Variants in DOK5 observed in about 807,000 individuals in gnomAD.
DOK5 encodes docking protein 5.
A neutral mutation model predicts 43.3 loss-of-function variants in DOK5; 27 were observed. The ratio of observed to expected loss-of-function variants is 0.62; its 90% confidence interval spans 0.46 to 0.86. DOK5 has a LOEUF of 0.86. Among genes scored for constraint, DOK5 ranks in the 40% least tolerant of loss-of-function variants. The pLI is 0.00. For missense variants in DOK5, 373 were observed against 392.9 expected, an observed-to-expected ratio of 0.95 and a Z score of 0.43; for synonymous variants, 146 against 140.1, an observed-to-expected ratio of 1.04 and a Z score of -0.30.
At chr20:54,582,481 A>G (rs947545590) in intron 2 of DOK5, among the ~76,000 whole-genome samples, 1 of 151,408 alleles carries the variant, frequency 6.6e-6, no homozygotes, top group Non-Finnish European at 1.5e-5. Context: ...CATTTCTTCC[A>G]ACAAAGAAAT....
intron 6 of DOK5, among the ~76,000 whole-genome samples, chr20:54,622,209 A>T (rs1301049778): frequency 6.6e-6 from 1 of 150,924 alleles, no homozygotes; most frequent in African/African-American, 2.5e-5. Context: ...AAGAAAAAAT[A>T]AAAAAAATAA....
At chr20:54,598,993 T>C (rs6098102) in intron 5 of DOK5, among the ~76,000 whole-genome samples, 2,068 of 152,348 alleles carry the variant, frequency 0.014, 52 homozygotes, top group African/African-American at 0.047. Flanking sequence ...GACAATTGTT[T>C]TGATAGCTTA....
At chr20:54,637,311 G>C (rs1332769613) in intron 6 of DOK5, among the ~76,000 whole-genome samples, 1 of 152,236 alleles carries the variant, frequency 6.6e-6, no homozygotes, top group Non-Finnish European at 1.5e-5. Flanking sequence ...AGGTTAGGAA[G>C]AGACCTGCAT....
At chr20:54,622,583 G>A (rs1305210092) in intron 6 of DOK5, among the ~76,000 whole-genome samples, 1 of 152,224 alleles carries the variant, frequency 6.6e-6, no homozygotes, top group Non-Finnish European at 1.5e-5. Context: ...GAGACAACTT[G>A]TTTTGCTGAC....
chr20:54,523,567 A>T (rs1455846492), intron 1 of DOK5, among the ~76,000 whole-genome samples: 3 of 152,168 alleles, frequency 2.0e-5, no homozygotes, highest in East Asian at 3.9e-4. Flanking sequence ...CTGTCTCAAA[A>T]AATTCAATCA....
chr20:54,599,198 A>C (rs1314937422), intron 5 of DOK5, among the ~76,000 whole-genome samples: 2 of 152,204 alleles, frequency 1.3e-5, no homozygotes, highest in African/African-American at 4.8e-5. Flanking sequence ...TCCCCCAACT[A>C]TGTTGAGTAT....
chr20:54,528,612 T>C (rs936397266), intron 1 of DOK5, among the ~76,000 whole-genome samples: 13 of 152,192 alleles, frequency 8.5e-5, no homozygotes, highest in Non-Finnish European at 1.8e-4. Flanking sequence ...TTATATCTCC[T>C]TGGCCAATAT....
At chr20:54,539,705 A>G (rs182668149) in intron 1 of DOK5, among the ~76,000 whole-genome samples, 342 of 152,326 alleles carry the variant, frequency 2.2e-3, no homozygotes, top group Non-Finnish European at 3.6e-3. Flanking sequence ...GGCAACCTTA[A>G]GACAACCCAG....
chr20:54,552,038 G>A (rs376092948), intron 1 of DOK5, among the ~76,000 whole-genome samples: 1 of 152,140 alleles, frequency 6.6e-6, no homozygotes, highest in Admixed American at 6.5e-5. Flanking sequence ...ATATTGGCCA[G>A]ACTGGTCTCA....
intron 1 of DOK5, among the ~76,000 whole-genome samples, chr20:54,517,455 GT>G: frequency 1.3e-5 from 2 of 152,298 alleles, no homozygotes; most frequent in Admixed American, 1.3e-4. Flanking sequence ...GGTTTCATAT[GT>G]TTTAGTTTAA....
intron 1 of DOK5, among the ~76,000 whole-genome samples, chr20:54,544,806 A>G (rs891689539): frequency 1.3e-5 from 2 of 152,150 alleles, no homozygotes; most frequent in African/African-American, 2.4e-5. Context: ...GGGTGGGGCT[A>G]TTGGTGGTCA....
intron 1 of DOK5, among the ~76,000 whole-genome samples, chr20:54,539,688 C>T (rs1014094964): frequency 2.0e-5 from 3 of 152,192 alleles, no homozygotes; most frequent in Non-Finnish European, 4.4e-5. Flanking sequence ...AGAGCTAAGT[C>T]ATTCCAGGCA....
intron 6 of DOK5, among the ~76,000 whole-genome samples, chr20:54,631,740 G>A (rs745826657): frequency 1.3e-5 from 2 of 152,134 alleles, no homozygotes; most frequent in Non-Finnish European, 2.9e-5. Context: ...TTGGGAGGCC[G>A]AGGTGGGCGG....
intron 6 of DOK5, among the ~76,000 whole-genome samples, chr20:54,622,801 C>T (rs569170337): frequency 1.3e-5 from 2 of 152,110 alleles, no homozygotes; most frequent in South Asian, 4.2e-4. Context: ...ATCCTATTTC[C>T]CAGTGTCGAG....
chr20:54,628,784 A>G (rs1978434104), intron 6 of DOK5, among the ~76,000 whole-genome samples: 1 of 152,172 alleles, frequency 6.6e-6, no homozygotes, highest in African/African-American at 2.4e-5. Context: ...CAAACCATAC[A>G]AGATGCATTT....
At position 54,588,591 on chromosome 20, in the gene DOK5, G is replaced by A. The variant is rs749390006; in HGVS notation, c.283G>A (p.Glu95Lys). The change falls in exon 3 of 8, where the codon GAA (glutamate) becomes AAA (lysine). Residue 95 changes from glutamate (E) to lysine (K), a missense_variant. Physicochemically the swap from Glu to Lys is moderately conservative, Grantham distance 56. Transcript: ENST00000262593. ...CGATACCTCCAAGACTTTTGCTTGCGAATCAGGTTTGTCTCAGGCAGGGCT... is the reference window on the plus strand; with the variant it reads ...CGATACCTCCAAGACTTTTGCTTGCAAATCAGGTTTGTCTCAGGCAGGGCT... ...NDDTSKTFAC[E>K]SDLEADEWCK... The A allele has an allele frequency of 1.5e-5, 25 of 1,614,002 alleles. No homozygotes were observed. The highest frequency in any genetic ancestry group is 2.2e-5 in the East Asian group (1 of 44,888).
At chr20:54,513,604 G>T (rs938013035) in intron 1 of DOK5, among the ~76,000 whole-genome samples, 1 of 151,920 alleles carries the variant, frequency 6.6e-6, no homozygotes, top group Non-Finnish European at 1.5e-5. Context: ...GTCACTAAAG[G>T]ACTAGAGAAT....
intron 7 of DOK5, among the ~76,000 whole-genome samples, chr20:54,649,289 G>A (rs1241172399): frequency 1.3e-5 from 2 of 152,148 alleles, no homozygotes; most frequent in Non-Finnish European, 2.9e-5. Flanking sequence ...ACGTGTGGTG[G>A]CACACACCTG....
At chr20:54,634,431 A>G (rs926641304) in intron 6 of DOK5, among the ~76,000 whole-genome samples, 3 of 135,384 alleles carry the variant, frequency 2.2e-5, no homozygotes, top group Non-Finnish European at 4.6e-5. Context: ...AATTCATCAT[A>G]TCATGCTTTT....
Sources: gnomAD v4.1 joint callset for allele counts (sites outside exome capture counted in the v4.1 genomes callset) on GRCh38, gnomAD v4.1.1 for gene constraint, MANE v1.5 for transcripts, NCBI Gene and HGNC (gene_info 2026-07-23, HGNC 2026-07-21) for gene names.